Variants in BLOC1S5 observed in about 807,000 individuals in gnomAD.
BLOC1S5 encodes biogenesis of lysosome-related organelles complex 1 subunit 5.
A neutral mutation model predicts 24.3 loss-of-function variants in BLOC1S5; 27 were observed. The observed-to-expected ratio is 1.11, with a 90% confidence interval of 0.82 to 1.53. The LOEUF is 1.53. Among genes scored for constraint, BLOC1S5 ranks in the 40% most tolerant of loss-of-function variants. The probability of loss-of-function intolerance (pLI) is 0.00; values close to 1 mark genes in which losing one functional copy is unlikely to be tolerated. For missense variants in BLOC1S5, 239 were observed against 229.4 expected (o/e 1.04, Z -0.27); for synonymous variants, 84 against 74.5 (o/e 1.13, Z -0.66).
chr6:8,035,111 T>TA (rs1302129660), intron 3 of BLOC1S5, among the ~76,000 whole-genome samples: 6 of 152,058 alleles, frequency 3.9e-5, no homozygotes, highest in Non-Finnish European at 7.4e-5. Context: ...CAAACGTCGT[T>TA]ATGTTCTCGC....
At chr6:8,035,596 T>C (rs891924135) in intron 3 of BLOC1S5, among the ~76,000 whole-genome samples, 1 of 152,010 alleles carries the variant, frequency 6.6e-6, no homozygotes, top group Non-Finnish European at 1.5e-5. Flanking sequence ...TATACTTACA[T>C]CAAATAAAAC....
chr6:8,028,465 GT>G (rs928953061), intron 3 of BLOC1S5, among the ~76,000 whole-genome samples: 69 of 151,554 alleles, frequency 4.6e-4, no homozygotes, highest in African/African-American at 1.5e-3. Context: ...TTCCTGCGTT[GT>G]TTTTTTCCCC....
At chr6:8,033,952 T>C (rs1408399077) in intron 3 of BLOC1S5, among the ~76,000 whole-genome samples, 1 of 152,172 alleles carries the variant, frequency 6.6e-6, no homozygotes, top group Non-Finnish European at 1.5e-5. Flanking sequence ...CCAGTTAGAA[T>C]GGCAATCATT....
At chr6:8,054,375 G>A (rs1471947147) in intron 2 of BLOC1S5, 2 of 362,746 alleles carry the variant, frequency 5.5e-6, no homozygotes, top group Non-Finnish European at 5.4e-6. Context: ...TCTTCATTCT[G>A]TAAGTAAATA....
chr6:8,041,031 T>TG (rs1763660447), intron 3 of BLOC1S5, 108 bp downstream of exon 3: 7 of 1,278,560 alleles, frequency 5.5e-6, no homozygotes. Flanking sequence ...TCTCTGTAAC[T>TG]GAGCTTCCCT....
intron 2 of BLOC1S5, chr6:8,054,208 T>A (rs1764234471): frequency 2.3e-6 from 1 of 435,290 alleles, no homozygotes; most frequent in Non-Finnish European, 4.5e-6. Flanking sequence ...AGCATCCTTT[T>A]ACTTCCAGTT....
intron 4 of BLOC1S5, among the ~76,000 whole-genome samples, chr6:8,024,514 CAAAAAAA>C (rs60853006): frequency 4.6e-5 from 3 of 65,788 alleles, no homozygotes; most frequent in African/African-American, 1.1e-4. Context: ...GACTCCATCT[CAAAAAAA>C]AAAAAAAAAA....
chr6:8,034,790 GTATCTACCCAGAGGAA>G (rs768654514), intron 3 of BLOC1S5, among the ~76,000 whole-genome samples: 1 of 152,048 alleles, frequency 6.6e-6, no homozygotes, highest in Non-Finnish European at 1.5e-5. Flanking sequence ...CCACTACTGG[GTATCTACCCAGAGGAA>G]AAGAAGTCAT....
rs78610903 is a variant in BLOC1S5, at chr6:8,056,308, C to T, written c.195+6226G>A. On this transcript the variant is annotated intron_variant, in intron 2 of 4. Transcript: ENST00000397457. ...GCACTCAAGGCTCTCGCAAGTCCCT[C>T]TGCATTCTTTCCACTCCCTCTGGCA... is the stretch of plus-strand genomic sequence containing the variant. Among the ~76,000 whole-genome samples, 6 of 152,320 alleles carry T rather than the reference C, an allele frequency of 3.9e-5. No individual in the cohort carries two copies. In the East Asian group the frequency reaches 1.2e-3, roughly 29 times the overall value.
chr6:8,044,845 G>A (rs1763824017), intron 2 of BLOC1S5, among the ~76,000 whole-genome samples: 1 of 152,220 alleles, frequency 6.6e-6, no homozygotes, highest in Non-Finnish European at 1.5e-5. Flanking sequence ...GGTGACTTGG[G>A]TGCTGTGAAA....
At chr6:8,047,541 GT>G (rs1763948512) in intron 2 of BLOC1S5, among the ~76,000 whole-genome samples, 1 of 152,096 alleles carries the variant, frequency 6.6e-6, no homozygotes, top group Non-Finnish European at 1.5e-5. Context: ...ACCTAAACGA[GT>G]TTTATATACT....
chr6:8,047,142 CCTCT>C (rs761994219), intron 2 of BLOC1S5, among the ~76,000 whole-genome samples: 1 of 102,312 alleles, frequency 9.8e-6, no homozygotes, highest in Non-Finnish European at 1.9e-5. Context: ...AATAAGACCA[CCTCT>C]CTCTCTCTCT....
At chr6:8,058,926 A>G (rs1764423433) in intron 2 of BLOC1S5, among the ~76,000 whole-genome samples, 1 of 152,258 alleles carries the variant, frequency 6.6e-6, no homozygotes, top group Non-Finnish European at 1.5e-5. Context: ...ATAGGTATTC[A>G]ATAACTGTTC....
At chr6:8,056,471 GA>G (rs923481331) in intron 2 of BLOC1S5, among the ~76,000 whole-genome samples, 4 of 151,244 alleles carry the variant, frequency 2.6e-5, no homozygotes, top group Middle Eastern at 3.4e-3. Flanking sequence ...ATTCAAGGGG[GA>G]AAAAAAACAA....
chr6:8,041,686 GC>G (rs67022428), intron 2 of BLOC1S5, among the ~76,000 whole-genome samples: 36,464 of 133,556 alleles, frequency 0.27, 6,192 homozygotes, highest in East Asian at 0.73. Context: ...TCGCCCTGTC[GC>G]CCAGACTGGA....
intron 4 of BLOC1S5, among the ~76,000 whole-genome samples, chr6:8,025,313 A>G (rs9505338): frequency 0.19 from 28,886 of 152,152 alleles, 3,057 homozygotes; most frequent in African/African-American, 0.26. Flanking sequence ...CCAGCCTGGC[A>G]TGGTCCACTT....
chr6:8,030,460 A>T (rs1763259768), intron 3 of BLOC1S5, among the ~76,000 whole-genome samples: 1 of 151,734 alleles, frequency 6.6e-6, no homozygotes, highest in South Asian at 2.1e-4. Context: ...GCCTGGCCAG[A>T]TTAAAATAAT....
chr6:8,028,090 T>C (rs988731258), intron 3 of BLOC1S5, among the ~76,000 whole-genome samples: 1 of 152,126 alleles, frequency 6.6e-6, no homozygotes, highest in Non-Finnish European at 1.5e-5. Context: ...TTGCTGAAAT[T>C]GGAGGTTTGT....
chr6:8,057,132 T>G (rs2113602758), intron 2 of BLOC1S5, among the ~76,000 whole-genome samples: 1 of 152,128 alleles, frequency 6.6e-6, no homozygotes, highest in East Asian at 1.9e-4. Context: ...GGCCGGAGAA[T>G]CGCTTGAATC....
Sources: allele counts gnomAD v4.1 joint callset (sites outside exome capture counted in the v4.1 genomes callset), GRCh38; gene constraint gnomAD v4.1.1; transcripts MANE v1.5; gene names NCBI Gene and HGNC (gene_info 2026-07-23, HGNC 2026-07-21).